LIPC: variants seen among roughly 807,000 people sequenced by gnomAD.
The protein encoded by LIPC is lipase C, hepatic type, also known as hepatic triacylglycerol lipase.
LIPC carries 44 observed loss-of-function variants against 50.7 expected under a neutral mutation model. The observed-to-expected ratio is 0.87, with a 90% confidence interval of 0.68 to 1.11. The LOEUF (loss-of-function observed/expected upper bound fraction) is 1.11, where lower values mean the gene tolerates loss of function less well. LIPC is among the 50% of genes most tolerant of loss of function. The pLI, the probability that LIPC is intolerant of heterozygous loss-of-function variation, is 0.00. For missense variants in LIPC, 697 were observed against 648.2 expected, an observed-to-expected ratio of 1.08 and a Z score of -0.82; for synonymous variants, 271 against 256.4, an observed-to-expected ratio of 1.06 and a Z score of -0.54.
At chr15:58,522,452 A>T (rs1363655533) in intron 1 of LIPC, 1 of 152,396 alleles carries the variant, frequency 6.6e-6, no homozygotes, top group Non-Finnish European at 1.5e-5. Context: ...GGTGTTTTCA[A>T]ATCCAGACAC....
At chr15:58,500,150 AG>A (rs1891930530) in intron 1 of LIPC, among the ~76,000 whole-genome samples, 1 of 152,156 alleles carries the variant, frequency 6.6e-6, no homozygotes, top group African/African-American at 2.4e-5. Context: ...GGACACAGTA[AG>A]GAGGGGTGGA....
Position 58,568,854 on chromosome 15 carries a change from A to G in LIPC, c.*27A>G, listed in dbSNP as rs778793859. ...ATTTAATGAAGACCCAGTGTAAAGA[A>G]TAAATGAATCTTACTCCTTATCTGG... On this transcript the variant is annotated 3_prime_UTR_variant, in exon 9 of 9. Coordinates refer to ENST00000299022, the MANE Select transcript of LIPC (RefSeq NM_000236.3). 2 of 1,353,942 alleles carry G rather than the reference A, an allele frequency of 1.5e-6. No homozygotes were observed. The highest frequency in any genetic ancestry group is 2.1e-6 in the Non-Finnish European group (2 of 956,660). 83.9% of individuals were successfully genotyped at this position (1,353,942 alleles called of 1,614,324 possible).
intron 6 of LIPC, among the ~76,000 whole-genome samples, chr15:58,550,897 C>T (rs1038285473): frequency 3.2e-5 from 4 of 124,478 alleles, no homozygotes; most frequent in African/African-American, 1.3e-4. Context: ...AGTGCAGTGG[C>T]GTGATCTTGG....
chr15:58,567,955 T>C (rs2140966064), intron 8 of LIPC, among the ~76,000 whole-genome samples: 1 of 152,334 alleles, frequency 6.6e-6, no homozygotes, highest in Non-Finnish European at 1.5e-5. Context: ...CACAAATTAC[T>C]CATAGCATTT....
intron 1 of LIPC, among the ~76,000 whole-genome samples, chr15:58,529,984 C>A (rs1157689364): frequency 3.3e-5 from 5 of 152,248 alleles, no homozygotes; most frequent in Admixed American, 6.5e-5. Flanking sequence ...ACTTGGTTTG[C>A]TTACCTGTGG....
At chr15:58,477,424 G>C (rs1362402432) in intron 1 of LIPC, among the ~76,000 whole-genome samples, 1 of 152,224 alleles carries the variant, frequency 6.6e-6, no homozygotes, top group Non-Finnish European at 1.5e-5. Flanking sequence ...GTTAGGGACA[G>C]AAATGAAAAG....
intron 6 of LIPC, among the ~76,000 whole-genome samples, chr15:58,558,328 C>T (rs1894029189): frequency 6.6e-6 from 1 of 152,178 alleles, no homozygotes; most frequent in South Asian, 2.1e-4. Flanking sequence ...GCCTCGGCTC[C>T]CAAAGTGCTG....
At chr15:58,563,810 T>C (rs1049614598) in intron 8 of LIPC, 87 bp downstream of exon 8, 3 of 1,092,392 alleles carry the variant, frequency 2.7e-6, no homozygotes, top group Non-Finnish European at 4.1e-6. Context: ...ACATTCATCA[T>C]GTGAGGTGAG....
At chr15:58,551,535 G>A (rs1019514939) in intron 6 of LIPC, among the ~76,000 whole-genome samples, 40 of 152,152 alleles carry the variant, frequency 2.6e-4, no homozygotes, top group African/African-American at 8.9e-4. Context: ...TTCCATCGCC[G>A]CGGAGAGTTC....
At chr15:58,546,057 G>C in intron 5 of LIPC, 82 bp downstream of exon 5, 1 of 1,174,950 alleles carries the variant, frequency 8.5e-7, no homozygotes, top group Non-Finnish European at 1.3e-6. Flanking sequence ...ACCAACATAC[G>C]GGACTCAGGG....
intron 1 of LIPC, among the ~76,000 whole-genome samples, chr15:58,457,152 C>G (rs535093766): frequency 1.3e-5 from 2 of 152,272 alleles, no homozygotes; most frequent in East Asian, 3.9e-4. Context: ...TCTTGTTGCC[C>G]AGAATGGAGT....
chr15:58,464,239 A>T (rs1894457977), intron 1 of LIPC, among the ~76,000 whole-genome samples: 1 of 152,016 alleles, frequency 6.6e-6, no homozygotes, highest in African/African-American at 2.4e-5. Flanking sequence ...CTAGGCTGGT[A>T]CTCTCAGAGC....
intron 1 of LIPC, among the ~76,000 whole-genome samples, chr15:58,484,641 G>C (rs556945394): frequency 6.6e-6 from 1 of 152,380 alleles, no homozygotes; most frequent in East Asian, 1.9e-4. Context: ...TACACAGCCA[G>C]TCAGCTCCAG....
At chr15:58,454,975 T>G (rs1296005012) in intron 1 of LIPC, 1 of 152,262 alleles carries the variant, frequency 6.6e-6, no homozygotes, top group African/African-American at 2.4e-5. Flanking sequence ...TCCTCTGTTC[T>G]CATTTTACTA....
chr15:58,492,357 G>A (rs1162994272), intron 1 of LIPC, among the ~76,000 whole-genome samples: 1 of 152,066 alleles, frequency 6.6e-6, no homozygotes, highest in Non-Finnish European at 1.5e-5. Context: ...TGATATTATT[G>A]TAATGTTACT....
At position 58,548,518 on chromosome 15, in the gene LIPC, C is replaced by A. The variant is rs142388191; in HGVS notation, c.997C>A (p.Arg333=). The A allele has an allele frequency of 3.1e-5, 49 of 1,601,968 alleles. No individual in the cohort carries two copies. The highest frequency in any genetic ancestry group is 4.1e-5 in the Non-Finnish European group (48 of 1,173,968). The part of the protein sequence containing the change: ...TLGYHVRQEP[R]SKSKRLFLVT... Reference sequence around the variant, plus strand: ...GGGCTACCACGTCCGCCAGGAGCCGCGGAGCAAGAGCAAGAGGCTCTTCCT... The same window carrying A: ...GGGCTACCACGTCCGCCAGGAGCCGAGGAGCAAGAGCAAGAGGCTCTTCCT... The change falls in exon 6 of 9, where the codon CGG becomes AGG. Residue 333 remains arginine, a synonymous_variant. Coordinates refer to ENST00000299022, the MANE Select transcript of LIPC (RefSeq NM_000236.3).
intron 6 of LIPC, among the ~76,000 whole-genome samples, chr15:58,554,832 C>T (rs1893878891): frequency 6.6e-6 from 1 of 152,198 alleles, no homozygotes; most frequent in African/African-American, 2.4e-5. Context: ...AAGTTAATTT[C>T]ATTTAAAGAT....
At chr15:58,507,750 C>T (rs116566975) in intron 1 of LIPC, among the ~76,000 whole-genome samples, 2,428 of 152,292 alleles carry the variant, frequency 0.016, 72 homozygotes, top group African/African-American at 0.056. Context: ...TCACAGAAGA[C>T]AGATTAGTAG....
chr15:58,461,006 A>C (rs1188862165), intron 1 of LIPC, among the ~76,000 whole-genome samples: 1 of 152,198 alleles, frequency 6.6e-6, no homozygotes, highest in Non-Finnish European at 1.5e-5. Context: ...GGATGGTTAC[A>C]GAGGAAGGAA....
Sources: allele counts gnomAD v4.1 joint callset (sites outside exome capture counted in the v4.1 genomes callset), GRCh38; gene constraint gnomAD v4.1.1; transcripts MANE v1.5; gene names NCBI Gene and HGNC (gene_info 2026-07-23, HGNC 2026-07-21).